Variants in GNAO1 observed in about 807,000 individuals in gnomAD.
GNAO1 encodes guanine nucleotide-binding protein G(o) subunit alpha.
For missense variants in GNAO1, 166 were observed against 478.7 expected, an observed-to-expected ratio of 0.35 and a Z score of 6.10; for synonymous variants, 164 against 180.7, an observed-to-expected ratio of 0.91 and a Z score of 0.74.
At chr16:56,300,676 G>A (rs2037335812) in intron 3 of GNAO1, 1 of 152,120 alleles carries the variant, frequency 6.6e-6, no homozygotes, top group Admixed American at 6.5e-5. Flanking sequence ...TTTAAAATGG[G>A]TTGATTCTTA....
intron 3 of GNAO1, among the ~76,000 whole-genome samples, chr16:56,318,529 G>A (rs1278971867): frequency 2.6e-5 from 4 of 152,288 alleles, no homozygotes; most frequent in African/African-American, 9.6e-5. Context: ...AGTACATGGG[G>A]CAGGGTGGGG....
intron 6 of GNAO1, chr16:56,343,770 C>T (rs1402778270): frequency 1.4e-5 from 23 of 1,612,352 alleles, no homozygotes; most frequent in Non-Finnish European, 1.8e-5. Context: ...CAGGCCCCAG[C>T]GCCTTCACAG....
At chr16:56,328,101 C>T (rs1416412173) in intron 3 of GNAO1, among the ~76,000 whole-genome samples, 1 of 152,186 alleles carries the variant, frequency 6.6e-6, no homozygotes, top group African/African-American at 2.4e-5. Context: ...CTCAGCTAAC[C>T]GGAATTCTCT....
intron 2 of GNAO1, among the ~76,000 whole-genome samples, chr16:56,232,747 A>G (rs1197364610): frequency 3.3e-5 from 5 of 152,028 alleles, no homozygotes; most frequent in South Asian, 2.1e-4. Flanking sequence ...AATACGTTGG[A>G]AAAAAAACAT....
chr16:56,259,267 G>A (rs1220884328), intron 2 of GNAO1, among the ~76,000 whole-genome samples: 2 of 152,236 alleles, frequency 1.3e-5, no homozygotes, highest in South Asian at 2.1e-4. Context: ...GTCAGGGAAC[G>A]TGATCTGCAC....
At position 56,240,733 on chromosome 16, in the gene GNAO1, G is replaced by T. The variant is rs564355374; in HGVS notation, c.162-35198G>T. 2.0e-5 allele frequency among the ~76,000 whole-genome samples: 3 copies of T among 152,242 alleles called. No homozygotes were observed. In the South Asian group the frequency reaches 6.2e-4, roughly 32 times the overall value. On this transcript the variant is annotated intron_variant, in intron 2 of 8. Transcript: ENST00000262493. ...GATTTCCCCTCCCTCTCCAGGCTCA[G>T]GGTGCCTCATAGCTGGGCACTTAGG... is the stretch of plus-strand genomic sequence containing the variant.
chr16:56,347,072 C>T, intron 6 of GNAO1: 1 of 985,436 alleles, frequency 1.0e-6, no homozygotes, highest in South Asian at 4.7e-5. Context: ...ACCTGGTGCA[C>T]TCTTGGCAAG....
intron 2 of GNAO1, among the ~76,000 whole-genome samples, chr16:56,258,079 A>G (rs1410255653): frequency 6.6e-6 from 1 of 152,244 alleles, no homozygotes; most frequent in Non-Finnish European, 1.5e-5. Flanking sequence ...AACAAAATAC[A>G]TCTCCCTGGC....
At chr16:56,338,294 G>A (rs760003548) in intron 6 of GNAO1, among the ~76,000 whole-genome samples, 1 of 152,166 alleles carries the variant, frequency 6.6e-6, no homozygotes, top group South Asian at 2.1e-4. Flanking sequence ...TGCTGTAATT[G>A]TTCTCAATGG....
At chr16:56,273,776 A>G (rs924831765) in intron 2 of GNAO1, among the ~76,000 whole-genome samples, 7 of 152,208 alleles carry the variant, frequency 4.6e-5, no homozygotes, top group Non-Finnish European at 1.0e-4. Flanking sequence ...TTGCTATGGC[A>G]TGAGCCTTCT....
At chr16:56,303,508 C>T (rs1368564326) in intron 3 of GNAO1, among the ~76,000 whole-genome samples, 1 of 152,162 alleles carries the variant, frequency 6.6e-6, no homozygotes, top group East Asian at 1.9e-4. Flanking sequence ...GTGGACAGAC[C>T]CTGACATGGG....
intron 2 of GNAO1, among the ~76,000 whole-genome samples, chr16:56,259,850 C>G (rs768040040): frequency 9.9e-5 from 15 of 152,166 alleles, no homozygotes; most frequent in Non-Finnish European, 2.2e-4. Flanking sequence ...TGCCTTTACC[C>G]TTTTTCACAG....
At chr16:56,299,898 C>G (rs2037324350) in intron 3 of GNAO1, among the ~76,000 whole-genome samples, 1 of 152,122 alleles carries the variant, frequency 6.6e-6, no homozygotes, top group Non-Finnish European at 1.5e-5. Flanking sequence ...ACAATCTGAG[C>G]AAATGCTGTG....
intron 3 of GNAO1, among the ~76,000 whole-genome samples, chr16:56,312,484 G>A (rs558954463): frequency 2.1e-4 from 32 of 152,298 alleles, no homozygotes; most frequent in East Asian, 1.9e-3. Context: ...ACACTGAGGC[G>A]GCCACAGCCT....
chr16:56,256,188 C>T (rs1488721779), intron 2 of GNAO1, among the ~76,000 whole-genome samples: 1 of 152,156 alleles, frequency 6.6e-6, no homozygotes, highest in Non-Finnish European at 1.5e-5. Flanking sequence ...CCCTTGGAGC[C>T]AGTGGTATTG....
intron 6 of GNAO1, chr16:56,346,558 C>G (rs543300178): frequency 1.0e-6 from 1 of 985,280 alleles, no homozygotes; most frequent in African/African-American, 1.7e-5. Context: ...GATAGAGGTC[C>G]CCAAGGCTCT....
rs187896818 is a variant in GNAO1, at chr16:56,209,004, C to T, written c.161+16388C>T. ...TTTTTAATGTAGTCATTCTTTCAGT[C>T]TCCCTCTTTTTGGTTAGTGTTTTTT... On this transcript the variant is annotated intron_variant, in intron 2 of 8. Coordinates refer to ENST00000262493, the MANE Select transcript of GNAO1 (RefSeq NM_020988.3). Among the ~76,000 whole-genome samples, 97 of 152,090 alleles carry T rather than the reference C, an allele frequency of 6.4e-4. 2 individuals carry two copies. The highest frequency in any genetic ancestry group is 3.8e-4 in the Non-Finnish European group (26 of 67,996).
At chr16:56,194,096 G>A in intron 2 of GNAO1, 1 of 456,634 alleles carries the variant, frequency 2.2e-6, no homozygotes, top group Non-Finnish European at 4.4e-6. Context: ...GCGCCATGAT[G>A]GTAGGGAGTA....
At chr16:56,293,140 G>C (rs1352700492) in intron 3 of GNAO1, among the ~76,000 whole-genome samples, 1 of 152,248 alleles carries the variant, frequency 6.6e-6, no homozygotes, top group Non-Finnish European at 1.5e-5. Context: ...CCTAACTGCA[G>C]GGAAGTCTAT....
Sources: allele counts gnomAD v4.1 joint callset (sites outside exome capture counted in the v4.1 genomes callset), GRCh38; gene constraint gnomAD v4.1.1; transcripts MANE v1.5; gene names NCBI Gene and HGNC (gene_info 2026-07-23, HGNC 2026-07-21).